The following NLGN4X variants were observed in gnomAD, a reference collection of about 807,000 sequenced individuals.
NLGN4X encodes the protein neuroligin-4, X-linked.
In NLGN4X, 3 loss-of-function variants were observed where a neutral mutation model predicts 40.3. The ratio of observed to expected loss-of-function variants is 0.07; its 90% CI spans 0.03 to 0.19. NLGN4X has a LOEUF of 0.19. NLGN4X is among the 10% of genes least tolerant of loss of function. NLGN4X has a pLI of 1.00. For synonymous variants in NLGN4X, 270 were observed against 306.8 expected (o/e 0.88, Z 1.25); for missense variants, 382 against 708.3 (o/e 0.54, Z 5.23).
At chrX:5,930,471 G>A (rs941395004) in intron 3 of NLGN4X, among the ~76,000 whole-genome samples, 1 of 111,983 alleles carries the variant, frequency 8.9e-6, no homozygotes, top group African/African-American at 3.3e-5. Flanking sequence ...CCTTTCACAA[G>A]CCCTTGGTGT....
chrX:5,981,825 T>A (rs1264989312), intron 3 of NLGN4X, among the ~76,000 whole-genome samples: 2 of 111,141 alleles, frequency 1.8e-5, no homozygotes, highest in African/African-American at 6.5e-5. Flanking sequence ...CTTATTTATT[T>A]CTCCCAGTAA....
In NLGN4X at chrX:5,987,365, G is replaced by A. The variant is rs140725307; in HGVS notation, c.625+41915C>T. On this transcript the variant is annotated intron_variant, in intron 3 of 5. Transcript: ENST00000381095. ...AAAGGGAATAATGGTTATCACGGAG[G>A]AGGATAAGGAGATAGAATGGGAAAA... Among the ~76,000 whole-genome samples the A allele has an allele frequency of 3.5e-3, 393 of 112,723 alleles. 1 individual carries two copies. The highest frequency in any genetic ancestry group is 0.011 in the African/African-American group (357 of 31,072).
At chrX:6,014,208 G>A (rs2036331004) in intron 3 of NLGN4X, among the ~76,000 whole-genome samples, 1 of 110,617 alleles carries the variant, frequency 9.0e-6, no homozygotes, top group African/African-American at 3.3e-5. Flanking sequence ...AAAAAGTGAG[G>A]ATCTTAAGAT....
At chrX:6,039,241 T>C (rs1472796477) in intron 2 of NLGN4X, among the ~76,000 whole-genome samples, 1 of 111,555 alleles carries the variant, frequency 9.0e-6, no homozygotes, top group Non-Finnish European at 1.9e-5. Flanking sequence ...ATTCTGCCAC[T>C]GTCCTGTGAA....
chrX:5,978,465 G>A lies in NLGN4X; in HGVS notation c.625+50815C>T, dbSNP rs184948281. Among the ~76,000 whole-genome samples, 32 of 109,394 alleles carry A rather than the reference G, an allele frequency of 2.9e-4. No individual in the cohort carries two copies. The East Asian group carries it at 3.4e-3, about 12-fold the overall frequency. 95.0% of individuals were successfully genotyped at this position (109,394 alleles called of 115,157 possible). On this transcript the variant is annotated intron_variant, in intron 3 of 5. Transcript: ENST00000381095. Reference sequence around the variant, plus strand: ...ATCACACAAACTAGTGGAAAATAACGTGACAACAGATCAGACATACTGAAG... The same window carrying A: ...ATCACACAAACTAGTGGAAAATAACATGACAACAGATCAGACATACTGAAG...
At chrX:6,066,871 G>A (rs2037932210) in intron 2 of NLGN4X, among the ~76,000 whole-genome samples, 1 of 112,419 alleles carries the variant, frequency 8.9e-6, no homozygotes, top group African/African-American at 3.2e-5. Context: ...ACTTTGGGAG[G>A]CCAAGGCAGG....
intron 1 of NLGN4X, among the ~76,000 whole-genome samples, chrX:6,189,257 T>C (rs1275262603): frequency 8.9e-6 from 1 of 112,024 alleles, no homozygotes. Context: ...TTACTGAGGA[T>C]TTTGAGAATA....
intron 3 of NLGN4X, among the ~76,000 whole-genome samples, chrX:5,915,693 C>T (rs2032758521): frequency 8.9e-6 from 1 of 111,775 alleles, no homozygotes; most frequent in Non-Finnish European, 1.9e-5. Context: ...GCACACGCCA[C>T]CACACCCAGC....
chrX:6,044,270 C>A, intron 2 of NLGN4X, among the ~76,000 whole-genome samples: 1 of 111,242 alleles, frequency 9.0e-6, no homozygotes, highest in Middle Eastern at 4.6e-3. Context: ...GTGAGTGAGA[C>A]CTTGTCAACA....
At chrX:5,999,776 C>G (rs968492525) in intron 3 of NLGN4X, among the ~76,000 whole-genome samples, 1 of 112,140 alleles carries the variant, frequency 8.9e-6, no homozygotes, top group Non-Finnish European at 1.9e-5. Context: ...CGCTGGCTAG[C>G]TCTTGGGGAA....
At chrX:6,028,069 G>A (rs1177920795) in intron 3 of NLGN4X, among the ~76,000 whole-genome samples, 1 of 110,231 alleles carries the variant, frequency 9.1e-6, no homozygotes, top group African/African-American at 3.3e-5. Context: ...TGCCTGCCTG[G>A]GCCTCCCAAA....
intron 3 of NLGN4X, among the ~76,000 whole-genome samples, chrX:5,999,852 G>A (rs1256850940): frequency 8.9e-6 from 1 of 111,984 alleles, no homozygotes; most frequent in Non-Finnish European, 1.9e-5. Context: ...CAAGAAGTAG[G>A]AGCAATATTG....
intron 3 of NLGN4X, among the ~76,000 whole-genome samples, chrX:6,023,381 G>T (rs761957196): frequency 1.7e-4 from 19 of 112,361 alleles, no homozygotes; most frequent in African/African-American, 6.1e-4. Context: ...TTGATCAGCA[G>T]TAAGAACTTT....
intron 1 of NLGN4X, among the ~76,000 whole-genome samples, chrX:6,200,305 G>A (rs932944346): frequency 8.9e-6 from 1 of 111,912 alleles, no homozygotes; most frequent in Non-Finnish European, 1.9e-5. Context: ...GAACACAATC[G>A]AGGGTGGAAC....
chrX:5,907,735 C>T (rs2146753744), intron 4 of NLGN4X, among the ~76,000 whole-genome samples: 1 of 109,797 alleles, frequency 9.1e-6, no homozygotes, highest in South Asian at 4.0e-4. Context: ...CAAGGAGGTC[C>T]TTCGTGAAAG....
chrX:5,955,748 A>T (rs2034470101), intron 3 of NLGN4X, among the ~76,000 whole-genome samples: 1 of 109,245 alleles, frequency 9.2e-6, no homozygotes, highest in Non-Finnish European at 1.9e-5. Context: ...CATAAAAACC[A>T]GTATTAAAAA....
chrX:6,219,836 G>A (rs1226715670), intron 1 of NLGN4X, among the ~76,000 whole-genome samples: 1 of 112,044 alleles, frequency 8.9e-6, no homozygotes, highest in Non-Finnish European at 1.9e-5. Context: ...GCATGTTCAT[G>A]ACAATTTAAT....
chrX:6,190,165 C>T (rs1438780963), intron 1 of NLGN4X, among the ~76,000 whole-genome samples: 1 of 110,727 alleles, frequency 9.0e-6, no homozygotes, highest in Non-Finnish European at 1.9e-5. Context: ...AAAAACAAAA[C>T]CTAGTATTTG....
intron 3 of NLGN4X, among the ~76,000 whole-genome samples, chrX:5,972,739 T>A (rs1411911524): frequency 2.6e-5 from 2 of 76,644 alleles, no homozygotes; most frequent in Admixed American, 1.9e-4. Flanking sequence ...ATCCCAACAC[T>A]TTGGGAAGAC....
Sources: allele counts gnomAD v4.1 joint callset (sites outside exome capture counted in the v4.1 genomes callset), GRCh38; gene constraint gnomAD v4.1.1; transcripts MANE v1.5; gene names NCBI Gene and HGNC (gene_info 2026-07-23, HGNC 2026-07-21).